The following FYCO1 variants were observed in gnomAD, a reference collection of about 807,000 sequenced individuals.
FYCO1 encodes the protein FYVE and coiled-coil domain autophagy adaptor 1, also known as FYVE and coiled-coil domain-containing protein 1.
In FYCO1, 122 loss-of-function variants were observed where a neutral mutation model predicts 165.1. The observed-to-expected ratio is 0.74, with a 90% CI of 0.64 to 0.86. FYCO1 has a LOEUF of 0.86. FYCO1 is among the 40% of genes least tolerant of loss of function. The probability of loss-of-function intolerance (pLI) is 0.00; values close to 1 mark genes in which losing one functional copy is unlikely to be tolerated. For missense variants in FYCO1, 1,702 were observed against 1,810.3 expected, an observed-to-expected ratio of 0.94 and a Z score of 1.09; for synonymous variants, 648 against 742.5, an observed-to-expected ratio of 0.87 and a Z score of 2.07.
At chr3:45,935,501 T>C (rs752640407) in intron 15 of FYCO1, among the ~76,000 whole-genome samples, 4 of 152,228 alleles carry the variant, frequency 2.6e-5, no homozygotes, top group Admixed American at 1.3e-4. Context: ...CCCCTGAACA[T>C]GTCAGGCATT....
intron 15 of FYCO1, among the ~76,000 whole-genome samples, chr3:45,934,223 A>G (rs1427405760): frequency 2.0e-5 from 3 of 152,236 alleles, no homozygotes; most frequent in African/African-American, 2.4e-5. Flanking sequence ...ATCTGAAAAA[A>G]TGTTCAAAGA....
chr3:45,942,344 G>A (rs963301479), intron 14 of FYCO1, among the ~76,000 whole-genome samples: 1 of 152,194 alleles, frequency 6.6e-6, no homozygotes, highest in African/African-American at 2.4e-5. Flanking sequence ...TCCAGCATAG[G>A]GCCAGGCTTG....
At chr3:45,959,638 A>C (rs576573646) in intron 11 of FYCO1, 96 bp from the exon 12 acceptor site, 1 of 1,294,162 alleles carries the variant, frequency 7.7e-7, no homozygotes, top group South Asian at 1.3e-5. Context: ...CAAATTTCCT[A>C]AGTCATAGAA....
chr3:45,982,326 C>A (rs1363051623), intron 2 of FYCO1, among the ~76,000 whole-genome samples: 2 of 151,798 alleles, frequency 1.3e-5, no homozygotes, highest in Non-Finnish European at 1.5e-5. Context: ...AAAAAAAGTA[C>A]AATTTAGAAT....
intron 14 of FYCO1, chr3:45,947,517 C>G: frequency 6.2e-7 from 1 of 1,606,974 alleles, no homozygotes; most frequent in Middle Eastern, 1.7e-4. Context: ...ATAGGCCTTG[C>G]CAGGGTTTCG....
intron 14 of FYCO1, among the ~76,000 whole-genome samples, chr3:45,939,591 C>G (rs912387028): frequency 1.3e-5 from 2 of 152,206 alleles, no homozygotes; most frequent in Admixed American, 1.3e-4. Context: ...GAGGGAGGAA[C>G]AGATGCCTGG....
chr3:45,992,253 T>A (rs1360535112), intron 1 of FYCO1, among the ~76,000 whole-genome samples: 1 of 152,024 alleles, frequency 6.6e-6, no homozygotes, highest in Non-Finnish European at 1.5e-5. Context: ...GAGGTGCTGG[T>A]GGGCCTGGGT....
At chr3:45,952,713 G>GGA (rs143443576) in intron 14 of FYCO1, among the ~76,000 whole-genome samples, 13,713 of 152,200 alleles carry the variant, frequency 0.09, 1,016 homozygotes, top group South Asian at 0.35. Context: ...TGAGGGGTAA[G>GGA]GAGAGAGAGA....
At chr3:45,994,974 G>A (rs1707731459) in intron 1 of FYCO1, among the ~76,000 whole-genome samples, 1 of 152,052 alleles carries the variant, frequency 6.6e-6, no homozygotes, top group Non-Finnish European at 1.5e-5. Context: ...GCTTTAACAG[G>A]GGGCCACGCG....
rs773893447 is a variant in FYCO1, at chr3:45,969,781, A to G, written c.540-16T>C. ...CAGCGTCCTCCTGTGGGGCCACAAA[A>G]CAGACATACCTGTATTCAGAGCAGG... is the stretch of plus-strand genomic sequence containing the variant. On this transcript the variant is annotated splice_polypyrimidine_tract_variant and intron_variant, in intron 6 of 17. Coordinates refer to ENST00000296137, the MANE Select transcript of FYCO1 (RefSeq NM_024513.4). 1.9e-6 allele frequency: 3 copies of G among 1,609,046 alleles called. No individual in the cohort carries two copies. Among genetic ancestry groups the G allele is most frequent in the Non-Finnish European group, 2.6e-6 (3 of 1,176,220 alleles).
rs1378938929 is a variant in FYCO1 at position 45,964,473 on chromosome 3, G to A, written c.3151-19C>T. The A allele has an allele frequency of 5.6e-6, 9 of 1,613,442 alleles. No homozygotes were observed. Among genetic ancestry groups the A allele is most frequent in the Non-Finnish European group, 6.8e-6 (8 of 1,179,718 alleles). ...GGGTGGCCTGGCACAGGACGTCAGGGAGAAGACACTCAGCTTGCAGAAGGC... is the reference window on the plus strand; with the variant it reads ...GGGTGGCCTGGCACAGGACGTCAGGAAGAAGACACTCAGCTTGCAGAAGGC... On this transcript the variant is annotated intron_variant, in intron 9 of 17. Transcript: ENST00000296137. The surrounding 1 kb of genome is among the most constrained non-coding windows in gnomAD (Gnocchi z 4.1).
chr3:45,921,807 C>G lies in FYCO1; in HGVS notation c.4395G>C (p.Thr1465=). 6.2e-7 allele frequency: 1 copy of G among 1,612,944 alleles called. No individual in the cohort carries two copies. The highest frequency in any genetic ancestry group is 8.5e-7 in the Non-Finnish European group (1 of 1,178,914). ...CATCGTAGATCACAGGCCGATCAAC[C>G]GTCAAGTGATAAAATACCTTTTTAG... The part of the protein sequence containing the change: ...FVSKKVFYHL[T]VDRPVIYDGS... The change falls in exon 18 of 18, where the codon ACG becomes ACC. Residue 1465 remains threonine (T), a synonymous_variant. Transcript: ENST00000296137.
chr3:45,959,580 T>C, intron 11 of FYCO1, 38 bp from the exon 12 acceptor site: 1 of 1,599,240 alleles, frequency 6.3e-7, no homozygotes, highest in Non-Finnish European at 8.6e-7. Context: ...GGAGAGAGAA[T>C]CCATGAAAAC....
chr3:45,946,478 C>T (rs1376860644), intron 14 of FYCO1: 4 of 1,610,068 alleles, frequency 2.5e-6, no homozygotes, highest in Non-Finnish European at 2.5e-6. Flanking sequence ...TCAGAACAGA[C>T]ACCATGGCAG....
At position 45,964,353 on chromosome 3, in the gene FYCO1, C is replaced by T; in HGVS notation, c.3252G>A (p.Leu1084=). The T allele has an allele frequency of 6.2e-7, 1 of 1,614,028 alleles. No individual in the cohort carries two copies. The highest frequency in any genetic ancestry group is 8.5e-7 in the Non-Finnish European group (1 of 1,179,856). ...TGACTAACCTTTCTAGGTCTTCACG[C>T]AGGGCAGCCCCCTCCTTGTCCTTCC... ...MLRKDKEGAA[L]REDLERTQKE... The change falls in exon 10 of 18, where the codon CTG becomes CTA. Residue 1084 remains leucine (L), a synonymous_variant. Coordinates refer to ENST00000296137, the MANE Select transcript of FYCO1 (RefSeq NM_024513.4). This position sits in a 1 kb window ranked among gnomAD's most constrained non-coding sequence, Gnocchi z 4.1.
chr3:45,956,060 G>C (rs1400108497), intron 13 of FYCO1, among the ~76,000 whole-genome samples: 1 of 152,200 alleles, frequency 6.6e-6, no homozygotes, highest in Non-Finnish European at 1.5e-5. Flanking sequence ...AAAACACTGG[G>C]TGCTGTGGCT....
Position 45,966,813 on chromosome 3 carries a change from G to T in FYCO1, c.2521C>A (p.His841Asn). The change falls in exon 8 of 18, where the codon CAT (histidine) becomes AAT (asparagine). Residue 841 changes from histidine (H) to asparagine (N), a missense_variant. Physicochemically the swap from His to Asn is moderately conservative, Grantham distance 68. Coordinates refer to ENST00000296137, the MANE Select transcript of FYCO1 (RefSeq NM_024513.4). ...KEQNEALNRA[H>N]VQELLQCSER... ...GAGCATTGCAGCAGCTCCTGGACAT[G>T]GGCTCTGTTAAGGGCTTCATTCTGC... The T allele has an allele frequency of 6.2e-7, 1 of 1,610,440 alleles. No homozygotes were observed.
rs1707634657 is a variant in FYCO1, at chr3:45,993,076, G to T, written c.-113+2646C>A. Among the ~76,000 whole-genome samples the T allele has an allele frequency of 6.6e-6, 1 of 152,114 alleles. No homozygotes were observed. The highest frequency in any genetic ancestry group is 6.5e-5 in the Admixed American group (1 of 15,278). ...ATCAGCCCTTGGGTCCCAGCCACAGGGCCACAATACTATACCCAAACCACA... is the reference window on the plus strand; with the variant it reads ...ATCAGCCCTTGGGTCCCAGCCACAGTGCCACAATACTATACCCAAACCACA... On this transcript the variant is annotated intron_variant, in intron 1 of 17. Transcript: ENST00000296137. This position sits in a 1 kb window ranked among gnomAD's most constrained non-coding sequence, Gnocchi z 4.4.
intron 6 of FYCO1, among the ~76,000 whole-genome samples, chr3:45,970,284 G>A (rs372682966): frequency 1.3e-5 from 2 of 152,238 alleles, no homozygotes; most frequent in East Asian, 1.9e-4. Flanking sequence ...AAAGGCTTGT[G>A]TGATAACTCT....
Sources: gnomAD v4.1 joint callset for allele counts (sites outside exome capture counted in the v4.1 genomes callset) on GRCh38, gnomAD v4.1.1 for gene constraint, Gnocchi (gnomAD v3.1) non-coding constraint, MANE v1.5 for transcripts, NCBI Gene and HGNC (gene_info 2026-07-23, HGNC 2026-07-21) for gene names.